Variants in LRRC43 observed in about 807,000 individuals in gnomAD.
LRRC43 encodes the protein leucine rich repeat containing 43.
In LRRC43, 62 loss-of-function variants were observed where a neutral mutation model predicts 64.3. The ratio of observed to expected loss-of-function variants is 0.96; its 90% CI spans 0.79 to 1.19. LRRC43 has a LOEUF of 1.19. Among genes scored for constraint, LRRC43 ranks in the 50% most tolerant of loss-of-function variants. LRRC43 has a pLI of 0.00. For synonymous variants in LRRC43, 422 were observed against 382.3 expected, an observed-to-expected ratio of 1.10 and a Z score of -1.21; for missense variants, 868 against 845.0, an observed-to-expected ratio of 1.03 and a Z score of -0.34.
At chr12:122,198,268 TGA>T (rs1478025075) in intron 7 of LRRC43, among the ~76,000 whole-genome samples, 1 of 152,210 alleles carries the variant, frequency 6.6e-6, no homozygotes, top group Non-Finnish European at 1.5e-5. Flanking sequence ...ATGACAGGCA[TGA>T]GCCACTGCGC....
At chr12:122,171,002 C>T (rs1045131880) in intron 1 of LRRC43, among the ~76,000 whole-genome samples, 2 of 152,180 alleles carry the variant, frequency 1.3e-5, no homozygotes, top group African/African-American at 4.8e-5. Flanking sequence ...GGGCCAGGGA[C>T]CACGTTTTGA....
In LRRC43 at chr12:122,200,617, A is replaced by T; in HGVS notation, c.1577A>T (p.Lys526Met). The T allele has an allele frequency of 6.6e-7, 1 of 1,514,116 alleles. No homozygotes were observed. The highest frequency in any genetic ancestry group is 9.2e-7 in the Non-Finnish European group (1 of 1,092,406). The allele number at this position is 1,514,116 out of a possible 1,614,324, so 93.8% of individuals were successfully genotyped here. A position where few individuals can be genotyped will look rare whatever the true frequency, so the allele number is the denominator to read the frequency against. Residue 526 changes from lysine to methionine, a missense_variant, in exon 9 of 12, where the codon AAG (lysine) becomes ATG (methionine). Transcript: ENST00000339777. The surrounding 1 kb of genome is among the most constrained non-coding windows in gnomAD (Gnocchi z 4.6). ...KGKGEKDKKGKEKDRTGKGEK... is the reference protein window; with the variant it reads ...KGKGEKDKKGMEKDRTGKGEK... ...AAGGGGGAGAAAGACAAGAAAGGGA[A>T]GGAGAAAGACAGGACGGGGAAAGGA...
Position 122,199,414 on chromosome 12 carries a change from C to T in LRRC43, c.1350-775C>T, listed in dbSNP as rs148597851. ...TCTCCTCCCTCAGCCTCCTGAGTAG[C>T]TGGGACCACGGGCACATGCCACCAC... is the stretch of plus-strand genomic sequence containing the variant. On this transcript the variant is annotated intron_variant, in intron 7 of 11. Transcript: ENST00000339777. 3.6e-3 allele frequency among the ~76,000 whole-genome samples: 545 copies of T among 151,642 alleles called. 2 individuals are homozygous for T. The highest frequency in any genetic ancestry group is 0.013 in the African/African-American group (525 of 41,230).
chr12:122,190,392 G>C (rs373355361), intron 5 of LRRC43, 24 bp downstream of exon 5: 38 of 1,586,268 alleles, frequency 2.4e-5, no homozygotes, highest in Non-Finnish European at 3.2e-5. Flanking sequence ...CATGCAGGGA[G>C]GGGGTGGCAT....
chr12:122,175,759 T>C (rs934003582), intron 1 of LRRC43, among the ~76,000 whole-genome samples: 3 of 151,664 alleles, frequency 2.0e-5, no homozygotes, highest in African/African-American at 7.3e-5. Flanking sequence ...CTCCGCCTCC[T>C]GGGTTCAAGC....
At position 122,183,171 on chromosome 12, in the gene LRRC43, C is replaced by T; in HGVS notation, c.27C>T (p.Ser9=). The T allele has an allele frequency of 1.3e-6, 2 of 1,553,784 alleles. No individual in the cohort carries two copies. Among genetic ancestry groups the T allele is most frequent in the East Asian group, 2.4e-5 (1 of 40,946 alleles). Residue 9 remains serine, a synonymous_variant, in exon 1 of 12, where the codon TCC becomes TCT. Coordinates refer to ENST00000339777, the MANE Select transcript of LRRC43 (RefSeq NM_001098519.2). MEASYESE[S]ESESEAGPGT... The stretch of plus-strand genomic sequence containing the variant: ...TGGAGGCGTCGTACGAGTCCGAGTC[C>T]GAGTCCGAGTCTGAGGCCGGGCCTG...
intron 1 of LRRC43, among the ~76,000 whole-genome samples, chr12:122,168,949 G>C (rs1460184966): frequency 6.6e-6 from 1 of 152,132 alleles, no homozygotes; most frequent in African/African-American, 2.4e-5. Flanking sequence ...ACCCTAGGTT[G>C]GGCTTGGCAG....
chr12:122,190,915 G>A (rs1340583408), intron 5 of LRRC43, among the ~76,000 whole-genome samples: 10 of 151,554 alleles, frequency 6.6e-5, no homozygotes, highest in Admixed American at 6.6e-4. Context: ...GCTGCAGTGA[G>A]CTATCATCTC....
At chr12:122,189,762 G>A (rs1953692549) in intron 4 of LRRC43, among the ~76,000 whole-genome samples, 1 of 152,226 alleles carries the variant, frequency 6.6e-6, no homozygotes, top group Non-Finnish European at 1.5e-5. Context: ...CACGGTGGCT[G>A]TCCCCTGCTG....
chr12:122,187,854 C>A lies in LRRC43; in HGVS notation c.662+14C>A. 1 of 1,613,486 alleles carries A rather than the reference C, an allele frequency of 6.2e-7. No homozygotes were observed. Among genetic ancestry groups the A allele is most frequent in the Non-Finnish European group, 8.5e-7 (1 of 1,179,632 alleles). On this transcript the variant is annotated intron_variant, in intron 4 of 11. Coordinates refer to ENST00000339777, the MANE Select transcript of LRRC43 (RefSeq NM_001098519.2). The stretch of plus-strand genomic sequence containing the variant: ...CGCTAATCACTGGTAACTCGGGAGC[C>A]CAGATGGAAAGTGAGAGGGAGGGAT...
upstream of LRRC43, among the ~76,000 whole-genome samples, chr12:122,182,546 A>T (rs1251633746): frequency 1.4e-5 from 2 of 147,270 alleles, no homozygotes; most frequent in Non-Finnish European, 3.0e-5. Context: ...AAAAAAAAAA[A>T]GCCGGAAGTG....
intron 7 of LRRC43, among the ~76,000 whole-genome samples, chr12:122,193,374 C>T (rs1271086124): frequency 2.6e-5 from 3 of 115,240 alleles, no homozygotes; most frequent in African/African-American, 3.6e-5. Flanking sequence ...AGCGAGACTC[C>T]GTCTCATAAA....
upstream of LRRC43, chr12:122,183,118 C>A: frequency 6.5e-7 from 1 of 1,528,384 alleles, no homozygotes; most frequent in Non-Finnish European, 8.7e-7. Context: ...CGCGTCCTAG[C>A]GGTTGCCGGG....
chr12:122,199,279 T>A (rs963581136), intron 7 of LRRC43, among the ~76,000 whole-genome samples: 3 of 72,516 alleles, frequency 4.1e-5, no homozygotes, highest in Non-Finnish European at 7.9e-5. Context: ...TTGTTTCAGC[T>A]TTTTTTTTTT....
intron 4 of LRRC43, among the ~76,000 whole-genome samples, chr12:122,188,661 G>A (rs533949097): frequency 6.6e-6 from 1 of 151,262 alleles, no homozygotes; most frequent in African/African-American, 2.4e-5. Context: ...GGATGGTCTC[G>A]AACTCCTGAC....
chr12:122,177,952 C>T (rs1953551936), intron 1 of LRRC43, among the ~76,000 whole-genome samples: 1 of 151,886 alleles, frequency 6.6e-6, no homozygotes, highest in Non-Finnish European at 1.5e-5. Flanking sequence ...ATTCTCCTGT[C>T]TCAGCCTCCC....
intron 1 of LRRC43, among the ~76,000 whole-genome samples, chr12:122,183,572 C>G (rs1232446841): frequency 6.6e-6 from 1 of 152,186 alleles, no homozygotes; most frequent in East Asian, 1.9e-4. Flanking sequence ...AGTGGGCAGG[C>G]TCCTTTTGGG....
Position 122,184,085 on chromosome 12 carries a change from C to T in LRRC43, c.151-434C>T, listed in dbSNP as rs911337863. 6.9e-6 allele frequency among the ~76,000 whole-genome samples: 1 copy of T among 143,916 alleles called. No individual in the cohort carries two copies. Among genetic ancestry groups the T allele is most frequent in the Non-Finnish European group, 1.5e-5 (1 of 66,790 alleles). 94.4% of individuals were successfully genotyped at this position (143,916 alleles called of 152,430 possible). A position where few individuals can be genotyped will look rare whatever the true frequency, so the allele number is the denominator to read the frequency against. Reference sequence around the variant, plus strand: ...TAATCCATCAAAATTATTGATTATTCACTGTCTAGATTTTTTTTTTTTTTT... The same window carrying T: ...TAATCCATCAAAATTATTGATTATTTACTGTCTAGATTTTTTTTTTTTTTT... On this transcript the variant is annotated intron_variant, in intron 1 of 11. Transcript: ENST00000339777. The surrounding 1 kb of genome is among the most constrained non-coding windows in gnomAD (Gnocchi z 4.0).
At chr12:122,198,200 G>A (rs1347655420) in intron 7 of LRRC43, among the ~76,000 whole-genome samples, 1 of 152,028 alleles carries the variant, frequency 6.6e-6, no homozygotes, top group Non-Finnish European at 1.5e-5. Context: ...AGGAGAGTTC[G>A]AGACCAGAAC....
Sources: gnomAD v4.1 joint callset for allele counts (sites outside exome capture counted in the v4.1 genomes callset) on GRCh38, gnomAD v4.1.1 for gene constraint, Gnocchi (gnomAD v3.1) non-coding constraint, MANE v1.5 for transcripts, NCBI Gene and HGNC (gene_info 2026-07-23, HGNC 2026-07-21) for gene names.